RALGAPB: variants seen among roughly 807,000 people sequenced by gnomAD.
The protein encoded by RALGAPB is Ral GTPase activating protein non-catalytic subunit beta.
Under a neutral mutation model 161.1 loss-of-function variants are expected in RALGAPB, and 25 were observed. That is an observed-to-expected ratio of 0.16 (90% confidence interval 0.11 to 0.22). The LOEUF (loss-of-function observed/expected upper bound fraction) is 0.22, where lower values mean the gene tolerates loss of function less well. RALGAPB is among the 10% of genes least tolerant of loss of function. The pLI, the probability that RALGAPB is intolerant of heterozygous loss-of-function variation, is 1.00. For missense variants in RALGAPB, 1,391 were observed against 1,815.2 expected (o/e 0.77, Z 4.25); for synonymous variants, 629 against 626.1 (o/e 1.00, Z -0.07).
intron 25 of RALGAPB, 45 bp downstream of exon 25, chr20:38,565,523 A>G (rs752078238): frequency 1.9e-6 from 3 of 1,594,576 alleles, no homozygotes; most frequent in African/African-American, 1.3e-5. Flanking sequence ...CTATTTTTAT[A>G]TTCCTGGGTT....
chr20:38,518,117 C>T, intron 9 of RALGAPB, 117 bp downstream of exon 9: 1 of 975,780 alleles, frequency 1.0e-6, no homozygotes, highest in Non-Finnish European at 1.5e-6. Flanking sequence ...TGTTTCTGAC[C>T]AAGCAATGTC....
At chr20:38,520,888 C>G (rs1159869298) in intron 9 of RALGAPB, among the ~76,000 whole-genome samples, 1 of 152,152 alleles carries the variant, frequency 6.6e-6, no homozygotes, top group Non-Finnish European at 1.5e-5. Flanking sequence ...TTATCAGCCT[C>G]AAGTTAGCTG....
chr20:38,525,630 T>C, intron 12 of RALGAPB, 112 bp downstream of exon 12: 1 of 937,206 alleles, frequency 1.1e-6, no homozygotes. Flanking sequence ...TCAATTCAAG[T>C]TATTTCATCA....
chr20:38,563,088 G>A (rs995273157), intron 24 of RALGAPB, among the ~76,000 whole-genome samples: 32 of 152,186 alleles, frequency 2.1e-4, no homozygotes, highest in African/African-American at 7.2e-4. Context: ...GAGGTATATA[G>A]AGGAAAAGTA....
intron 6 of RALGAPB, among the ~76,000 whole-genome samples, chr20:38,514,574 T>A (rs1409013620): frequency 1.3e-5 from 2 of 152,236 alleles, no homozygotes; most frequent in African/African-American, 2.4e-5. Flanking sequence ...TGATTGTGAT[T>A]ATTTGTGATT....
In RALGAPB at chr20:38,569,919, C is replaced by T. The variant is rs2088166419; in HGVS notation, c.3986C>T (p.Pro1329Leu). ...CCCAGTTCCAGAATGAGGAAGCTGC[C>T]TCAGGGTCGCCCTGTTCCTCCCCTT... ...LSPSSRMRKLPQGRPVPPLGP... is the reference protein window; with the variant it reads ...LSPSSRMRKLLQGRPVPPLGP... The change falls in exon 27 of 30, where the codon CCT (proline) becomes CTT (leucine). Residue 1329 changes from proline (P) to leucine (L), a missense_variant. Transcript: ENST00000262879. The T allele has an allele frequency of 6.2e-7, 1 of 1,613,442 alleles. No homozygotes were observed. Among genetic ancestry groups the T allele is most frequent in the African/African-American group, 1.3e-5 (1 of 74,854 alleles).
chr20:38,497,590 A>G, intron 4 of RALGAPB, 74 bp downstream of exon 4: 1 of 1,452,008 alleles, frequency 6.9e-7, no homozygotes, highest in Non-Finnish European at 9.3e-7. Context: ...AGTGAGCGGT[A>G]GACTCATTGG....
rs1424974757 is a variant in RALGAPB at position 38,549,645 on chromosome 20, GTTTAT to G, written c.3009+857_3009+861del. On this transcript the variant is annotated intron_variant, in intron 20 of 29. Transcript: ENST00000262879. ...ATTTAATGAAATCTTTTGGGGTGCAGTTTATTTTATTACATTTGTAATTATGTGAA... is the reference window on the plus strand; with the variant it reads ...ATTTAATGAAATCTTTTGGGGTGCAGTTTATTACATTTGTAATTATGTGAA... Among the ~76,000 whole-genome samples, 11 of 151,314 alleles carry G rather than the reference GTTTAT, an allele frequency of 7.3e-5. No individual in the cohort carries two copies. The South Asian group carries it at 1.9e-3, about 26-fold the overall frequency.
chr20:38,566,954 A>G (rs1448164801), intron 25 of RALGAPB, 142 bp from the exon 26 acceptor site: 3 of 1,401,488 alleles, frequency 2.1e-6, no homozygotes, highest in South Asian at 3.6e-5. Flanking sequence ...TCCTTTACAG[A>G]AAAAAGTTTG....
intron 1 of RALGAPB, among the ~76,000 whole-genome samples, chr20:38,482,875 G>T (rs898687207): frequency 1.3e-5 from 2 of 151,710 alleles, no homozygotes; most frequent in Admixed American, 6.6e-5. Context: ...CAATGTGTAG[G>T]CTCCTAATCT....
chr20:38,491,899 C>T (rs193257618), intron 2 of RALGAPB, among the ~76,000 whole-genome samples: 11 of 152,298 alleles, frequency 7.2e-5, no homozygotes, highest in Admixed American at 7.2e-4. Flanking sequence ...GGTGATCATG[C>T]TTCTCTTTTG....
intron 6 of RALGAPB, among the ~76,000 whole-genome samples, chr20:38,512,855 G>A (rs2086003579): frequency 6.6e-6 from 1 of 152,172 alleles, no homozygotes; most frequent in Non-Finnish European, 1.5e-5. Flanking sequence ...CGCCTCCTGG[G>A]TTCACGCCAT....
chr20:38,519,409 A>T (rs1407724216), intron 9 of RALGAPB, among the ~76,000 whole-genome samples: 1 of 152,016 alleles, frequency 6.6e-6, no homozygotes, highest in Admixed American at 6.6e-5. Flanking sequence ...CTTTTTGTTA[A>T]GATGTAATTC....
chr20:38,495,937 G>C (rs1444568828), intron 3 of RALGAPB, among the ~76,000 whole-genome samples: 2 of 152,152 alleles, frequency 1.3e-5, no homozygotes, highest in Non-Finnish European at 2.9e-5. Flanking sequence ...TGCACTCTTG[G>C]AAGGGTGTCA....
chr20:38,530,742 G>A (rs1194429808), intron 13 of RALGAPB, among the ~76,000 whole-genome samples: 4 of 151,256 alleles, frequency 2.6e-5, no homozygotes, highest in South Asian at 4.2e-4. Context: ...GATTACAGGC[G>A]CACACCACCA....
intron 5 of RALGAPB, among the ~76,000 whole-genome samples, chr20:38,506,541 G>T (rs1010501167): frequency 1.3e-5 from 2 of 152,148 alleles, no homozygotes; most frequent in Admixed American, 1.3e-4. Flanking sequence ...CAGTCCTCCT[G>T]CCTTGGCCTC....
At chr20:38,478,766 G>A (rs569463210) in intron 1 of RALGAPB, among the ~76,000 whole-genome samples, 3 of 152,128 alleles carry the variant, frequency 2.0e-5, no homozygotes, top group East Asian at 1.9e-4. Context: ...ACAGACATGC[G>A]CCACCACGCC....
rs1395353870 is a variant in RALGAPB at position 38,565,389 on chromosome 20, G to A, written c.3728G>A (p.Ser1243Asn). The change falls in exon 25 of 30, where the codon AGC (serine) becomes AAC (asparagine). Residue 1243 changes from serine (S) to asparagine (N), a missense_variant. Ser to Asn is a conservative substitution (Grantham distance 46, BLOSUM62 1). This residue lies in a region of RALGAPB where 436 missense variants were observed against 527.0 expected (regional missense o/e 0.83). Transcript: ENST00000262879. ...EVISSEDIGA[S>N]IFNGQKKVLY... ...ATTTCCTCTGAAGATATTGGAGCTAGCATTTTCAATGGACAGAAGAAGGTG... is the reference window on the plus strand; with the variant it reads ...ATTTCCTCTGAAGATATTGGAGCTAACATTTTCAATGGACAGAAGAAGGTG... The A allele has an allele frequency of 1.9e-6, 3 of 1,613,600 alleles. No homozygotes were observed. The East Asian group carries it at 6.7e-5, about 36-fold the overall frequency.
At chr20:38,572,671 A>AG (rs1454086763) in intron 28 of RALGAPB, among the ~76,000 whole-genome samples, 3 of 152,254 alleles carry the variant, frequency 2.0e-5, no homozygotes, top group African/African-American at 7.2e-5. Context: ...AAAGAGGGCA[A>AG]GTCATTCTTA....
Sources: allele counts gnomAD v4.1 joint callset (sites outside exome capture counted in the v4.1 genomes callset), GRCh38; gene constraint gnomAD v4.1.1; regional missense constraint gnomAD v4.1.1; transcripts MANE v1.5; gene names NCBI Gene and HGNC (gene_info 2026-07-23, HGNC 2026-07-21).